Variants in BDP1 observed in about 807,000 individuals in gnomAD.
BDP1 encodes the protein BDP1 general transcription factor IIIB subunit.
Under a neutral mutation model 266.6 loss-of-function variants are expected in BDP1, and 169 were observed. That is an observed-to-expected ratio of 0.63 (90% CI 0.56 to 0.72). The LOEUF (loss-of-function observed/expected upper bound fraction) is 0.72. Ranked by LOEUF, BDP1 falls within the 30% of genes least tolerant of loss-of-function variation. BDP1 has a pLI of 0.00. For synonymous variants in BDP1, 1,090 were observed against 1,022.4 expected, an observed-to-expected ratio of 1.07 and a Z score of -1.26; for missense variants, 3,015 against 3,053.8, an observed-to-expected ratio of 0.99 and a Z score of 0.30.
chr5:71,461,909 A>C lies in BDP1; in HGVS notation c.582A>C (p.Pro194=), dbSNP rs1256083557. Residue 194 remains proline (P), a synonymous_variant, in exon 3 of 39, where the codon CCA becomes CCC. Coordinates refer to ENST00000358731, the MANE Select transcript of BDP1 (RefSeq NM_018429.3). ...MTMRDFIYYL[P]DNNPMTSSLE... Reference sequence around the variant, plus strand: ...TGAGAGACTTCATATATTATCTACCAGATAATAATCCAATGACGTAAGTAA... The same window carrying C: ...TGAGAGACTTCATATATTATCTACCCGATAATAATCCAATGACGTAAGTAA... 6.6e-7 allele frequency: 1 copy of C among 1,518,070 alleles called. No homozygotes were observed. Among genetic ancestry groups the C allele is most frequent in the South Asian group, 1.2e-5 (1 of 86,708 alleles). The allele number at this position is 1,518,070 out of a possible 1,614,324, so 94.0% of individuals were successfully genotyped here. A position where few individuals can be genotyped will look rare whatever the true frequency, so the allele number is the denominator to read the frequency against.
chr5:71,549,826 TTTA>T (rs779187439), intron 34 of BDP1, among the ~76,000 whole-genome samples: 6 of 152,224 alleles, frequency 3.9e-5, no homozygotes, highest in Non-Finnish European at 8.8e-5. Flanking sequence ...ATGAAACTTG[TTTA>T]TTAAGTTATT....
intron 24 of BDP1, 140 bp downstream of exon 24, chr5:71,523,089 A>G: frequency 3.5e-6 from 2 of 570,472 alleles, no homozygotes; most frequent in Non-Finnish European, 6.1e-6. Flanking sequence ...AGGAGTATGT[A>G]TGTATTAGCT....
intron 16 of BDP1, among the ~76,000 whole-genome samples, chr5:71,507,861 T>C (rs1561723188): frequency 1.3e-5 from 2 of 152,234 alleles, no homozygotes; most frequent in Non-Finnish European, 2.9e-5. Flanking sequence ...TAAGGACCTG[T>C]CTTACAGTAT....
At chr5:71,523,911 CTTA>C (rs1765635346) in intron 24 of BDP1, 25 bp from the exon 25 acceptor site, 6 of 1,580,500 alleles carry the variant, frequency 3.8e-6, no homozygotes, top group African/African-American at 2.7e-5. Context: ...TGCATATGAC[CTTA>C]TTGTTGTTTT....
At chr5:71,489,707 G>A (rs764716145) in intron 10 of BDP1, 25 bp downstream of exon 10, 3 of 1,570,214 alleles carry the variant, frequency 1.9e-6, no homozygotes, top group Admixed American at 3.9e-5. Flanking sequence ...TATTTAAAAA[G>A]CCTCTATATT....
rs549202744 is a variant in BDP1, at chr5:71,466,081, C to G, written c.660-15C>G. On this transcript the variant is annotated splice_polypyrimidine_tract_variant and intron_variant, in intron 4 of 38. Transcript: ENST00000358731. Reference sequence around the variant, plus strand: ...TTCATGCCTTTGTGAATTAACTTATCTTTATATGTGGTAGGCAAGAAGGTA... The same window carrying G: ...TTCATGCCTTTGTGAATTAACTTATGTTTATATGTGGTAGGCAAGAAGGTA... The G allele has an allele frequency of 2.5e-6, 4 of 1,610,478 alleles. No individual in the cohort carries two copies. The East Asian group carries it at 8.9e-5, about 36-fold the overall frequency.
chr5:71,506,821 A>C (rs77257920), intron 16 of BDP1, among the ~76,000 whole-genome samples: 2,747 of 74,808 alleles, frequency 0.037, 101 homozygotes, highest in East Asian at 0.23. Context: ...ACACACACAC[A>C]CACCCATATT....
Position 71,516,275 on chromosome 5 carries a change from A to C in BDP1, c.4860+4A>C. The C allele has an allele frequency of 6.2e-7, 1 of 1,604,406 alleles. No individual in the cohort carries two copies. The highest frequency in any genetic ancestry group is 1.7e-5 in the Admixed American group (1 of 59,496). On this transcript the variant is annotated splice_donor_region_variant and intron_variant, in intron 21 of 38. Transcript: ENST00000358731. Reference sequence around the variant, plus strand: ...TGAAAAGAAAGTCTTAACTGTGGTGAGTTATTGTTATGTAATTAAATTTAG... The same window carrying C: ...TGAAAAGAAAGTCTTAACTGTGGTGCGTTATTGTTATGTAATTAAATTTAG...
At chr5:71,532,538 C>A in intron 26 of BDP1, 111 bp downstream of exon 26, 1 of 1,069,312 alleles carries the variant, frequency 9.4e-7, no homozygotes, top group South Asian at 2.0e-5. Flanking sequence ...TAGCTAATTT[C>A]TCTTTGTAAG....
At chr5:71,460,773 G>A (rs1761503749) in intron 2 of BDP1, among the ~76,000 whole-genome samples, 1 of 152,082 alleles carries the variant, frequency 6.6e-6, no homozygotes, top group East Asian at 1.9e-4. Context: ...GTATTTTACA[G>A]AAACTGCTTA....
intron 35 of BDP1, among the ~76,000 whole-genome samples, chr5:71,554,796 T>G (rs1323632305): frequency 6.6e-6 from 1 of 152,234 alleles, no homozygotes; most frequent in Non-Finnish European, 1.5e-5. Flanking sequence ...ACTAGTTGAG[T>G]ATCCTTTATT....
At chr5:71,478,420 G>A (rs1762730396) in intron 7 of BDP1, among the ~76,000 whole-genome samples, 1 of 152,150 alleles carries the variant, frequency 6.6e-6, no homozygotes, top group Non-Finnish European at 1.5e-5. Context: ...AGGTCCAAAT[G>A]ACAGGTCTAC....
At position 71,553,115 on chromosome 5, in the gene BDP1, G is replaced by A. The variant is rs1742969634; in HGVS notation, c.6996-1G>A. The A allele has an allele frequency of 6.2e-7, 1 of 1,607,894 alleles. No homozygotes were observed. The highest frequency in any genetic ancestry group is 8.5e-7 in the Non-Finnish European group (1 of 1,177,554). ...TTAGTATGTATTTCTTTTCTATGCA[G>A]TATTTGTTTACCAGCAACTTCAGTT... On this transcript the variant is annotated splice_acceptor_variant, in intron 34 of 38. Transcript: ENST00000358731. LOFTEE classifies it high-confidence loss of function.
chr5:71,553,362 AAG>A, intron 35 of BDP1, 42 bp downstream of exon 35: 3 of 1,368,094 alleles, frequency 2.2e-6, no homozygotes, highest in Non-Finnish European at 2.1e-6. Context: ...GCCATTAAGT[AAG>A]ATGGCCATAT....
chr5:71,543,281 CAAAAAA>C (rs1289295798), intron 30 of BDP1, among the ~76,000 whole-genome samples: 1 of 150,810 alleles, frequency 6.6e-6, no homozygotes, highest in African/African-American at 2.4e-5. Context: ...GACTTCATCT[CAAAAAA>C]AGAAAAAAGA....
At position 71,510,298 on chromosome 5, in the gene BDP1, G is replaced by A. The variant is rs1764833293; in HGVS notation, c.3206G>A (p.Arg1069Lys). The change falls in exon 17 of 39, where the codon AGA becomes AAA. Residue 1069 changes from arginine (R) to lysine (K), a missense_variant. Arg to Lys is a conservative substitution (Grantham distance 26). Coordinates refer to ENST00000358731, the MANE Select transcript of BDP1 (RefSeq NM_018429.3). ...GAGACGGATTTGAAAGCAACTGGAAGAGACAGTTTCCCAAGGGGGAAGACA... is the reference window on the plus strand; with the variant it reads ...GAGACGGATTTGAAAGCAACTGGAAAAGACAGTTTCCCAAGGGGGAAGACA... ...EMETDLKATG[R>K]DSFPRGKTPE... is the part of the protein sequence containing the mutation. 1 of 1,613,020 alleles carries A rather than the reference G, an allele frequency of 6.2e-7. No homozygotes were observed. Among genetic ancestry groups the A allele is most frequent in the East Asian group, 2.2e-5 (1 of 44,736 alleles).
chr5:71,549,364 A>T, intron 33 of BDP1, 56 bp from the exon 34 acceptor site: 1 of 1,292,690 alleles, frequency 7.7e-7, no homozygotes, highest in Non-Finnish European at 1.1e-6. Context: ...TAAATTAATG[A>T]TACTCTGTTA....
At chr5:71,557,344 G>T (rs1284879353) in intron 36 of BDP1, among the ~76,000 whole-genome samples, 2 of 148,734 alleles carry the variant, frequency 1.3e-5, no homozygotes, top group African/African-American at 5.0e-5. Flanking sequence ...AACTAGCTGG[G>T]ACTACAGGCA....
At chr5:71,546,675 T>G (rs966682152) in intron 32 of BDP1, among the ~76,000 whole-genome samples, 1 of 149,878 alleles carries the variant, frequency 6.7e-6, no homozygotes, top group African/African-American at 2.5e-5. Context: ...GAAAGTAGGT[T>G]GAGTCCATAA....
Sources: allele counts gnomAD v4.1 joint callset (sites outside exome capture counted in the v4.1 genomes callset), GRCh38; gene constraint gnomAD v4.1.1; transcripts MANE v1.5; gene names NCBI Gene and HGNC (gene_info 2026-07-23, HGNC 2026-07-21).